The following HDAC9 variants were observed in gnomAD, a reference collection of about 807,000 sequenced individuals.
HDAC9 encodes MEF-2 interacting transcription repressor (MITR) protein.
A neutral mutation model predicts 139.4 loss-of-function variants in HDAC9; 41 were observed. The observed-to-expected ratio is 0.29, with a 90% CI of 0.23 to 0.38. The LOEUF (loss-of-function observed/expected upper bound fraction) is 0.38, where lower values mean the gene tolerates loss of function less well. HDAC9 is among the 10% of genes least tolerant of loss of function. The pLI is 1.00. For missense variants in HDAC9, 1,147 were observed against 1,297.0 expected (o/e 0.88, Z 1.78); for synonymous variants, 517 against 476.2 (o/e 1.09, Z -1.12).
chr7:18,968,308 T>A (rs944238269), intron 24 of HDAC9, among the ~76,000 whole-genome samples: 1 of 152,238 alleles, frequency 6.6e-6, no homozygotes, highest in African/African-American at 2.4e-5. Context: ...AATTTTTATA[T>A]TTTTCCAATT....
At chr7:18,629,925 A>G (rs374529951) in intron 7 of HDAC9, among the ~76,000 whole-genome samples, 35 of 152,296 alleles carry the variant, frequency 2.3e-4, no homozygotes, top group Admixed American at 2.0e-3. Flanking sequence ...TGACTTTTCA[A>G]CAAATTTACA....
intron 17 of HDAC9, among the ~76,000 whole-genome samples, chr7:18,821,737 G>T (rs955081231): frequency 6.6e-6 from 1 of 152,178 alleles, no homozygotes; most frequent in African/African-American, 2.4e-5. Context: ...CACAAGTTAA[G>T]GGCTCAATCC....
At chr7:18,705,273 G>A (rs76995232) in intron 12 of HDAC9, among the ~76,000 whole-genome samples, 3,222 of 152,212 alleles carry the variant, frequency 0.021, 41 homozygotes, top group Non-Finnish European at 0.033. Context: ...GTTCATTGTG[G>A]TATTTTAACA....
intron 1 of HDAC9, among the ~76,000 whole-genome samples, chr7:18,375,342 T>C (rs971851458): frequency 6.6e-6 from 1 of 152,048 alleles, no homozygotes; most frequent in Non-Finnish European, 1.5e-5. Flanking sequence ...TGGTGGCACA[T>C]GCTTGTAATC....
chr7:18,614,780 GCCC>G (rs1838136548), intron 6 of HDAC9, among the ~76,000 whole-genome samples: 1 of 152,082 alleles, frequency 6.6e-6, no homozygotes, highest in Admixed American at 6.6e-5. Context: ...TCTTCTTTGA[GCCC>G]CTCCAGAATC....
intron 2 of HDAC9, among the ~76,000 whole-genome samples, chr7:18,185,079 A>C (rs1164374171): frequency 6.6e-6 from 1 of 152,242 alleles, no homozygotes; most frequent in Non-Finnish European, 1.5e-5. Flanking sequence ...ATGGGAAATG[A>C]AACTAATTTG....
At chr7:18,150,822 GA>G (rs1408926447) in intron 1 of HDAC9, among the ~76,000 whole-genome samples, 1 of 152,176 alleles carries the variant, frequency 6.6e-6, no homozygotes, top group Non-Finnish European at 1.5e-5. Flanking sequence ...AGTGTGTCAA[GA>G]TTTTTTCACT....
At chr7:18,126,280 TA>T (rs1784663785) in intron 1 of HDAC9, among the ~76,000 whole-genome samples, 1 of 152,178 alleles carries the variant, frequency 6.6e-6, no homozygotes, top group Non-Finnish European at 1.5e-5. Context: ...TTACATCTAA[TA>T]AAAAATTATC....
intron 13 of HDAC9, among the ~76,000 whole-genome samples, chr7:18,733,123 A>G (rs1222937785): frequency 7.0e-6 from 1 of 143,336 alleles, no homozygotes; most frequent in African/African-American, 2.7e-5. Flanking sequence ...ATGTGTATAC[A>G]TGTATATATA....
At chr7:18,463,827 C>G (rs1259389554) in intron 1 of HDAC9, among the ~76,000 whole-genome samples, 1 of 151,730 alleles carries the variant, frequency 6.6e-6, no homozygotes, top group Non-Finnish European at 1.5e-5. Context: ...CCCTTTTTGA[C>G]TTATGAGTGT....
At chr7:18,721,747 A>G (rs193295094) in intron 12 of HDAC9, among the ~76,000 whole-genome samples, 36 of 152,342 alleles carry the variant, frequency 2.4e-4, no homozygotes, top group African/African-American at 7.9e-4. Flanking sequence ...ACAAAACAAA[A>G]CAAAACAAAA....
chr7:18,614,828 T>C (rs956847844), intron 6 of HDAC9, among the ~76,000 whole-genome samples: 2 of 152,182 alleles, frequency 1.3e-5, no homozygotes, highest in African/African-American at 4.8e-5. Flanking sequence ...ACCATAATTC[T>C]AATTAAGGGT....
At chr7:18,839,694 T>C (rs1796465000) in intron 21 of HDAC9, among the ~76,000 whole-genome samples, 1 of 152,100 alleles carries the variant, frequency 6.6e-6, no homozygotes, top group African/African-American at 2.4e-5. Context: ...CTATTCATTT[T>C]GTTATAAGAA....
chr7:18,316,512 A>G (rs1475168144), intron 1 of HDAC9, among the ~76,000 whole-genome samples: 1 of 151,608 alleles, frequency 6.6e-6, no homozygotes, highest in Non-Finnish European at 1.5e-5. Context: ...AAATTCACCC[A>G]TGTTGCCAGG....
chr7:18,477,969 A>G (rs1795248219), intron 1 of HDAC9, among the ~76,000 whole-genome samples: 1 of 152,200 alleles, frequency 6.6e-6, no homozygotes, highest in Admixed American at 6.5e-5. Flanking sequence ...TTCACACTAG[A>G]AAACAAAGAC....
At chr7:18,208,733 TA>T (rs1009140634) in intron 2 of HDAC9, among the ~76,000 whole-genome samples, 4 of 151,858 alleles carry the variant, frequency 2.6e-5, no homozygotes, top group South Asian at 2.1e-4. Flanking sequence ...GAAAAAAATT[TA>T]AAAAAAAATT....
intron 12 of HDAC9, among the ~76,000 whole-genome samples, chr7:18,717,633 G>T (rs1784803361): frequency 1.3e-5 from 2 of 152,014 alleles, no homozygotes; most frequent in South Asian, 4.1e-4. Context: ...ATTTCCCCAT[G>T]TTGGTCAGAC....
chr7:18,193,704 G>T (rs536622569), intron 2 of HDAC9, among the ~76,000 whole-genome samples: 1 of 152,062 alleles, frequency 6.6e-6, no homozygotes, highest in South Asian at 2.1e-4. Flanking sequence ...TCTCCTTGTT[G>T]CTATTTATAC....
intron 2 of HDAC9, among the ~76,000 whole-genome samples, chr7:18,272,944 CTACTACTACTACTACTACTACTAT>C (rs1796453981): frequency 6.7e-6 from 1 of 150,186 alleles, no homozygotes; most frequent in African/African-American, 2.4e-5. Flanking sequence ...ACTACTACTA[CTACTACTACTACTACTACTACTAT>C]TTCTTCCTCC....
Sources: allele counts gnomAD v4.1 joint callset (sites outside exome capture counted in the v4.1 genomes callset), GRCh38; gene constraint gnomAD v4.1.1; transcripts MANE v1.5; gene names NCBI Gene and HGNC (gene_info 2026-07-23, HGNC 2026-07-21).